Variants in UNC13A observed in about 807,000 individuals in gnomAD.
UNC13A encodes the protein protein unc-13 homolog A.
UNC13A carries 61 observed loss-of-function variants against 219.7 expected under a neutral mutation model. The observed-to-expected ratio is 0.28, with a 90% CI of 0.23 to 0.34. UNC13A has a LOEUF of 0.34. Among genes scored for constraint, UNC13A ranks in the 10% least tolerant of loss-of-function variants. UNC13A has a pLI of 1.00. For synonymous variants in UNC13A, 920 were observed against 884.6 expected (o/e 1.04, Z -0.71); for missense variants, 1,476 against 2,270.3 (o/e 0.65, Z 7.11).
At position 17,626,776 on chromosome 19, in the gene UNC13A, C is replaced by G. The variant is rs747744867; in HGVS notation, c.3930G>C (p.Pro1310=). The change falls in exon 34 of 44, where the codon CCG becomes CCC. Residue 1310 remains proline, a synonymous_variant. Coordinates refer to ENST00000519716, the MANE Select transcript of UNC13A (RefSeq NM_001080421.3). The part of the protein sequence containing the change: ...LSRVFATSFQ[P]HIEECVKQMG... ...TCTGTTTGACACACTCTTCAATGTG[C>G]GGCTGGAAGCTGGGGACACAGAAGG... The G allele has an allele frequency of 1.9e-6, 3 of 1,610,006 alleles. No homozygotes were observed. Among genetic ancestry groups the G allele is most frequent in the Admixed American group, 3.4e-5 (2 of 59,686 alleles).
chr19:17,606,499 G>T (rs2076532176), intron 43 of UNC13A, 145 bp from the exon 44 acceptor site: 1 of 1,222,200 alleles, frequency 8.2e-7, no homozygotes, highest in Non-Finnish European at 1.1e-6. Context: ...CCCCGCCCCT[G>T]CCCCGTTACT....
intron 1 of UNC13A, among the ~76,000 whole-genome samples, chr19:17,681,834 G>C (rs1481300028): frequency 6.6e-6 from 1 of 152,166 alleles, no homozygotes; most frequent in African/African-American, 2.4e-5. Context: ...GGCCCTGGGG[G>C]ACCCCTCTTG....
Position 17,606,048 on chromosome 19 carries a change from C to A in UNC13A, c.*6G>T, listed in dbSNP as rs747304890. The A allele has an allele frequency of 6.6e-7, 1 of 1,517,492 alleles. No homozygotes were observed. Among genetic ancestry groups the A allele is most frequent in the Non-Finnish European group, 8.8e-7 (1 of 1,139,792 alleles). The allele number at this position is 1,517,492 out of a possible 1,614,324, so 94.0% of individuals were successfully genotyped here. ...AGGCGCAGTGCCGCTCGGCCGACCG[C>A]CCGCGCTAAGGCGCAGGCGCGGCAC... On this transcript the variant is annotated 3_prime_UTR_variant, in exon 44 of 44. Transcript: ENST00000519716.
rs372013036 is a variant in UNC13A, at chr19:17,645,628, T to A, written c.2356+46A>T. On this transcript the variant is annotated intron_variant, in intron 19 of 43. Coordinates refer to ENST00000519716, the MANE Select transcript of UNC13A (RefSeq NM_001080421.3). ...TCGTGGGCTCCATGCTCTGGCTGGA[T>A]CCCTGGGACCCGTCCCCACCCGCTT... 1.3e-5 allele frequency: 21 copies of A among 1,608,530 alleles called. No individual in the cohort carries two copies. The Middle Eastern group carries it at 1.2e-3, about 88-fold the overall frequency.
intron 42 of UNC13A, among the ~76,000 whole-genome samples, chr19:17,610,508 CA>C (rs1212621661): frequency 6.6e-6 from 1 of 152,104 alleles, no homozygotes; most frequent in Non-Finnish European, 1.5e-5. Flanking sequence ...CGCCCGCCGC[CA>C]AAAACCCTGT....
intron 8 of UNC13A, among the ~76,000 whole-genome samples, chr19:17,661,465 G>A (rs1044196432): frequency 9.9e-5 from 15 of 151,654 alleles, no homozygotes; most frequent in African/African-American, 1.9e-4. Flanking sequence ...AGGCCAAGGC[G>A]GGAGGATTGC....
At chr19:17,655,532 C>T (rs577262274) in intron 10 of UNC13A, 150 bp from the exon 11 acceptor site, 11 of 731,920 alleles carry the variant, frequency 1.5e-5, no homozygotes, top group African/African-American at 1.2e-4. Flanking sequence ...CCCTGGCCCA[C>T]CTCAGTGCCC....
At chr19:17,608,403 TA>T (rs1183912711) in intron 43 of UNC13A, among the ~76,000 whole-genome samples, 1 of 124,954 alleles carries the variant, frequency 8.0e-6, no homozygotes, top group Non-Finnish European at 1.7e-5. Context: ...TATTTATATA[TA>T]ATATATAAAA....
Position 17,656,157 on chromosome 19 carries a change from GCTC to G in UNC13A, c.1006_1008del (p.Glu336del). The G allele has an allele frequency of 1.3e-6, 2 of 1,551,914 alleles. No homozygotes were observed. Among genetic ancestry groups the G allele is most frequent in the Non-Finnish European group, 1.7e-6 (2 of 1,146,970 alleles). ...TCCAGCTCCTCCTCATCTTCAGGCA[GCTC>G]CTCCTCCTCCAGGAAGTCCTCCAGG... On this transcript the variant is annotated inframe_deletion, in exon 10 of 44. Coordinates refer to ENST00000519716, the MANE Select transcript of UNC13A (RefSeq NM_001080421.3).
chr19:17,665,998 CT>C (rs1219090149), intron 7 of UNC13A, among the ~76,000 whole-genome samples: 5 of 39,058 alleles, frequency 1.3e-4, no homozygotes, highest in African/African-American at 5.2e-4. Context: ...AGTCTCAGAA[CT>C]CTCCTTCCTT....
chr19:17,655,019 G>A (rs76610779), intron 11 of UNC13A, among the ~76,000 whole-genome samples: 1 of 152,198 alleles, frequency 6.6e-6, no homozygotes, highest in Admixed American at 6.5e-5. Flanking sequence ...GCTAAGGAAG[G>A]GTCAGAGTGG....
At chr19:17,608,385 T>TATATATTTATATATAATATATAA (rs1555775548) in intron 43 of UNC13A, among the ~76,000 whole-genome samples, 39 of 42,396 alleles carry the variant, frequency 9.2e-4, no homozygotes, top group African/African-American at 3.7e-3. Flanking sequence ...TGTATATAAA[T>TATATATTTATATATAATATATAA]ATATATATAT....
At position 17,639,071 on chromosome 19, in the gene UNC13A, C is replaced by T; in HGVS notation, c.3081+12G>A. Reference sequence around the variant, plus strand: ...GCATCACTGTTCCCTTCTGACCCATCTGGAGTCTCACCGGGTCTGTCTGGT... The same window carrying T: ...GCATCACTGTTCCCTTCTGACCCATTTGGAGTCTCACCGGGTCTGTCTGGT... On this transcript the variant is annotated intron_variant, in intron 25 of 43. Coordinates refer to ENST00000519716, the MANE Select transcript of UNC13A (RefSeq NM_001080421.3). 6.4e-7 allele frequency: 1 copy of T among 1,574,724 alleles called. No homozygotes were observed.
rs2076958808 is a variant in UNC13A, at chr19:17,640,654, C to T, written c.2644G>A (p.Ala882Thr). The T allele has an allele frequency of 6.3e-7, 1 of 1,586,518 alleles. No homozygotes were observed. The highest frequency in any genetic ancestry group is 8.6e-7 in the Non-Finnish European group (1 of 1,167,404). Residue 882 changes from alanine to threonine, a missense_variant, in exon 22 of 44, where the codon GCC (alanine) becomes ACC (threonine). Transcript: ENST00000519716. ...CACATATACTTGGAGGAGAGGCAGG[C>T]AAAGTGGCTGGAGAGAGGGAGCAGG... ...ESIYQAMTHF[A>T]CLSSKYMCPG...
chr19:17,648,786 C>T, intron 15 of UNC13A, 126 bp downstream of exon 15: 2 of 1,484,562 alleles, frequency 1.3e-6, no homozygotes, highest in South Asian at 1.2e-5. Flanking sequence ...ATCCACGCTG[C>T]CTTCTGCCAG....
At chr19:17,677,423 G>C (rs1264743565) in intron 1 of UNC13A, among the ~76,000 whole-genome samples, 1 of 150,448 alleles carries the variant, frequency 6.6e-6, no homozygotes, top group East Asian at 1.9e-4. Context: ...GAGTGCAGTG[G>C]TGCCATCTCA....
chr19:17,652,444 A>G (rs1176843077), intron 12 of UNC13A, among the ~76,000 whole-genome samples, 187 bp downstream of exon 12: 1 of 152,062 alleles, frequency 6.6e-6, no homozygotes, highest in East Asian at 1.9e-4. Flanking sequence ...GTCTTCAAAG[A>G]TTACTGTCTT....
At chr19:17,676,684 G>T (rs1599414208) in intron 1 of UNC13A, among the ~76,000 whole-genome samples, 2 of 152,182 alleles carry the variant, frequency 1.3e-5, no homozygotes, top group African/African-American at 4.8e-5. Flanking sequence ...GGCTGGGTGA[G>T]TTGGGACAAA....
At position 17,609,628 on chromosome 19, in the gene UNC13A, C is replaced by T. The variant is rs186990937; in HGVS notation, c.4811+312G>A. ...AGAGTCTCCAGCCCCAGCAATGGCC[C>T]TGCCCACCATGCACTTCCTGCCCAG... On this transcript the variant is annotated intron_variant, in intron 43 of 43. Coordinates refer to ENST00000519716, the MANE Select transcript of UNC13A (RefSeq NM_001080421.3). Among the ~76,000 whole-genome samples the T allele has an allele frequency of 5.7e-4, 87 of 152,268 alleles. No individual in the cohort carries two copies. In the East Asian group the frequency reaches 0.016, roughly 28 times the overall value.
Sources: allele counts gnomAD v4.1 joint callset (sites outside exome capture counted in the v4.1 genomes callset), GRCh38; gene constraint gnomAD v4.1.1; transcripts MANE v1.5; gene names NCBI Gene and HGNC (gene_info 2026-07-23, HGNC 2026-07-21).